Variants in FXYD5 observed in about 807,000 individuals in gnomAD.
FXYD5 encodes the protein FXYD domain-containing ion transport regulator 5.
In FXYD5, 21 loss-of-function variants were observed where a neutral mutation model predicts 25.7. The ratio of observed to expected loss-of-function variants is 0.82; its 90% confidence interval spans 0.58 to 1.18. The LOEUF (loss-of-function observed/expected upper bound fraction) is 1.18, where lower values mean the gene tolerates loss of function less well. FXYD5 is among the 50% of genes most tolerant of loss of function. FXYD5 has a pLI of 0.00. For missense variants in FXYD5, 229 were observed against 227.7 expected (o/e 1.01, Z -0.04); for synonymous variants, 101 against 90.7 (o/e 1.11, Z -0.64).
In FXYD5 at chr19:35,167,165, C is replaced by G. The variant is rs187457651; in HGVS notation, c.487+840C>G. On this transcript the variant is annotated intron_variant, in intron 8 of 8. Coordinates refer to ENST00000392219, the MANE Select transcript of FXYD5 (RefSeq NM_014164.6). ...GGCAGGTGGCAGAAGGACCTGCAAA[C>G]GATTAACTGGAGAAAGTTTAATAGA... Among the ~76,000 whole-genome samples the G allele has an allele frequency of 8.2e-4, 125 of 152,234 alleles. 3 individuals carry two copies. The highest frequency in any genetic ancestry group is 3.4e-3 in the Middle Eastern group (1 of 294).
At position 35,169,616 on chromosome 19, in the gene FXYD5, G is replaced by A; in HGVS notation, c.*1G>A. On this transcript the variant is annotated 3_prime_UTR_variant, in exon 9 of 9. Transcript: ENST00000392219. ...GTTATGCCGGAATCGTTGCAGGTGA[G>A]TCCATCAGAAACAGGAGCTGACAAC... The A allele has an allele frequency of 6.2e-7, 1 of 1,605,324 alleles. No homozygotes were observed. Among genetic ancestry groups the A allele is most frequent in the Non-Finnish European group, 8.5e-7 (1 of 1,171,970 alleles).
rs149367243 is a variant in FXYD5 at position 35,157,428 on chromosome 19, G to A, written c.69G>A (p.Thr23=). ...VGLILPTRGQ[T]LKDTTSSSSA... is the part of the protein sequence containing the mutation. The stretch of plus-strand genomic sequence containing the variant: ...TCATCCTTGATTCCCCAGGACAGAC[G>A]TTGAAAGATACCACGTCCAGTTCTT... The change falls in exon 3 of 9, where the codon ACG becomes ACA. Residue 23 remains threonine, a synonymous_variant. Transcript: ENST00000392219. The A allele has an allele frequency of 6.2e-4, 986 of 1,580,832 alleles. 2 individuals are homozygous for A. The highest frequency in any genetic ancestry group is 7.4e-4 in the Non-Finnish European group (854 of 1,150,120).
In FXYD5 at chr19:35,155,895, G is replaced by A. The variant is rs564404118; in HGVS notation, c.61+284G>A. Among the ~76,000 whole-genome samples the A allele has an allele frequency of 1.2e-4, 19 of 152,330 alleles. No individual in the cohort carries two copies. In the South Asian group the frequency reaches 2.3e-3, roughly 18 times the overall value. ...AAGAACTCACTGAGTTTCATTTGGC[G>A]GGGAGATTGGTGTCGGTTTTCTACT... On this transcript the variant is annotated intron_variant, in intron 2 of 8. Coordinates refer to ENST00000392219, the MANE Select transcript of FXYD5 (RefSeq NM_014164.6).
intron 4 of FXYD5, 127 bp from the exon 5 acceptor site, chr19:35,160,582 G>A (rs2065395559): frequency 5.9e-6 from 4 of 679,852 alleles, no homozygotes; most frequent in Non-Finnish European, 1.1e-5. Context: ...CCGACCTAAG[G>A]TAATCTGCCC....
chr19:35,167,461 C>G (rs1030232551), intron 8 of FXYD5, among the ~76,000 whole-genome samples: 1 of 152,186 alleles, frequency 6.6e-6, no homozygotes, highest in Non-Finnish European at 1.5e-5. Flanking sequence ...CCTCCCACCC[C>G]CCTGTCTCCT....
In FXYD5 at chr19:35,155,533, C is replaced by A; in HGVS notation, c.1-18C>A. 6.2e-7 allele frequency: 1 copy of A among 1,605,250 alleles called. No individual in the cohort carries two copies. The highest frequency in any genetic ancestry group is 8.5e-7 in the Non-Finnish European group (1 of 1,176,742). ...TCACTGACATCATGGCTGACCCCAG[C>A]ATCGCCTGGTCCCACAGATGTCGCC... On this transcript the variant is annotated intron_variant, in intron 1 of 8. Coordinates refer to ENST00000392219, the MANE Select transcript of FXYD5 (RefSeq NM_014164.6).
At chr19:35,161,772 T>G (rs1344652374) in intron 5 of FXYD5, among the ~76,000 whole-genome samples, 1 of 152,222 alleles carries the variant, frequency 6.6e-6, no homozygotes, top group African/African-American at 2.4e-5. Context: ...TGATCCTTAT[T>G]TGAGGGGCAG....
At chr19:35,165,360 C>T (rs2065441454) in intron 6 of FXYD5, among the ~76,000 whole-genome samples, 1 of 152,152 alleles carries the variant, frequency 6.6e-6, no homozygotes, top group Non-Finnish European at 1.5e-5. Context: ...AGGATTCCTC[C>T]CCTTTTTATA....
chr19:35,156,322 C>T (rs994977780), intron 2 of FXYD5, among the ~76,000 whole-genome samples: 1 of 152,210 alleles, frequency 6.6e-6, no homozygotes, highest in Non-Finnish European at 1.5e-5. Context: ...TTTTCATATA[C>T]TCGTTCAGTC....
chr19:35,156,537 G>T (rs572495223), intron 2 of FXYD5, among the ~76,000 whole-genome samples: 1 of 152,328 alleles, frequency 6.6e-6, no homozygotes, highest in South Asian at 2.1e-4. Context: ...GGGCCTCACT[G>T]AGGAGGTGAC....
chr19:35,166,136 C>T lies in FXYD5; in HGVS notation c.383-6C>T, dbSNP rs759372591. The T allele has an allele frequency of 6.2e-7, 1 of 1,613,682 alleles. No homozygotes were observed. The highest frequency in any genetic ancestry group is 1.3e-5 in the African/African-American group (1 of 74,902). ...ACCCTGACTTGCTCTTTGTCTGCCT[C>T]TCCAGGTTTTCATGAGGATGACCCC... On this transcript the variant is annotated splice_region_variant and splice_polypyrimidine_tract_variant and intron_variant, in intron 6 of 8. Coordinates refer to ENST00000392219, the MANE Select transcript of FXYD5 (RefSeq NM_014164.6).
chr19:35,155,430 G>C, intron 1 of FXYD5, 121 bp from the exon 2 acceptor site: 1 of 798,134 alleles, frequency 1.3e-6, no homozygotes, highest in Middle Eastern at 2.2e-4. Flanking sequence ...CCCCTGGCAG[G>C]GGGTCTTGGA....
At chr19:35,157,730 C>T (rs1036954194) in intron 3 of FXYD5, 2 of 407,278 alleles carry the variant, frequency 4.9e-6, no homozygotes, top group Non-Finnish European at 9.1e-6. Flanking sequence ...GGAAGAGTCT[C>T]CTCTCATGGG....
chr19:35,165,494 G>T (rs2065442564), intron 6 of FXYD5, among the ~76,000 whole-genome samples: 1 of 152,068 alleles, frequency 6.6e-6, no homozygotes, highest in South Asian at 2.1e-4. Context: ...ATGACCAGAG[G>T]TCACTGTCAT....
In FXYD5 at chr19:35,166,148, A is replaced by G. The variant is rs2065448304; in HGVS notation, c.389A>G (p.His130Arg). 3.7e-6 allele frequency: 6 copies of G among 1,613,802 alleles called. No homozygotes were observed. Among genetic ancestry groups the G allele is most frequent in the Admixed American group, 3.3e-5 (2 of 59,996 alleles). Residue 130 changes from histidine (H) to arginine (R), a missense_variant, in exon 7 of 9, where the codon CAT (histidine) becomes CGT (arginine). His to Arg is a conservative substitution (Grantham distance 29). Transcript: ENST00000392219. The part of the protein sequence containing the change: ...DPQTLKPSGF[H>R]EDDPFFYDEH... ...TCTTTGTCTGCCTCTCCAGGTTTTC[A>G]TGAGGATGACCCCTTCTTCTATGGT... is the stretch of plus-strand genomic sequence containing the variant.
At position 35,164,215 on chromosome 19, in the gene FXYD5, C is replaced by T. The variant is rs1189858863; in HGVS notation, c.352C>T (p.Gln118Ter). ...SERPSPSTDV[Q>*]TDPQTLKPSG... ...GAGACCATCCCCAAGCACAGACGTC[C>T]AGACAGACCCCCAGACCCTCAAGCC... Residue 118 changes from glutamine (Q) to a stop codon, truncating the protein, a stop_gained, in exon 6 of 9, where the codon CAG becomes TAG. Transcript: ENST00000392219. LOFTEE classifies it high-confidence loss of function. 3 of 1,613,642 alleles carry T rather than the reference C, an allele frequency of 1.9e-6. No individual in the cohort carries two copies. The highest frequency in any genetic ancestry group is 2.5e-6 in the Non-Finnish European group (3 of 1,179,832).
intron 2 of FXYD5, among the ~76,000 whole-genome samples, chr19:35,157,212 C>T (rs1026368594): frequency 5.1e-4 from 77 of 152,144 alleles, no homozygotes; most frequent in African/African-American, 1.8e-3. Flanking sequence ...TCCCATCCCA[C>T]AGGGATGGGC....
intron 2 of FXYD5, among the ~76,000 whole-genome samples, chr19:35,156,620 GGT>G (rs2065358307): frequency 6.6e-6 from 1 of 152,162 alleles, no homozygotes; most frequent in Non-Finnish European, 1.5e-5. Flanking sequence ...AGTGTTGTCT[GGT>G]GTGTTTTAAG....
Position 35,169,869 on chromosome 19 carries a change from C to T in FXYD5, c.*254C>T, listed in dbSNP as rs928832719. The T allele has an allele frequency of 1.6e-5, 8 of 496,052 alleles. No individual in the cohort carries two copies. The highest frequency in any genetic ancestry group is 1.2e-4 in the African/African-American group (6 of 51,198). The allele number at this position is 496,052 out of a possible 1,614,324, so 30.7% of individuals were successfully genotyped here. ...CTCTGCTAAGACAAAAAGTAAAGCA[C>T]TGTGGTCTTTGCCCCAGGATCTCTG... On this transcript the variant is annotated 3_prime_UTR_variant, in exon 9 of 9. Transcript: ENST00000392219.
Sources: allele counts gnomAD v4.1 joint callset (sites outside exome capture counted in the v4.1 genomes callset), GRCh38; gene constraint gnomAD v4.1.1; transcripts MANE v1.5; gene names NCBI Gene and HGNC (gene_info 2026-07-23, HGNC 2026-07-21).